ARHGAP24: variants seen among roughly 807,000 people sequenced by gnomAD.
ARHGAP24 encodes Rho GTPase activating protein 24.
In ARHGAP24, 50 loss-of-function variants were observed where a neutral mutation model predicts 76.4. That is an observed-to-expected ratio of 0.65 (90% CI 0.52 to 0.83). The LOEUF is 0.83. Ranked by LOEUF, ARHGAP24 falls within the 40% of genes least tolerant of loss-of-function variation. The pLI, the probability that ARHGAP24 is intolerant of heterozygous loss-of-function variation, is 0.00. For missense variants in ARHGAP24, 930 were observed against 914.2 expected (o/e 1.02, Z -0.22); for synonymous variants, 345 against 323.3 (o/e 1.07, Z -0.72).
chr4:85,781,983 G>A (rs1727577515), intron 3 of ARHGAP24, among the ~76,000 whole-genome samples: 1 of 142,222 alleles, frequency 7.0e-6, no homozygotes, highest in African/African-American at 2.6e-5. Flanking sequence ...GTTTCAGTGA[G>A]CCGAGATCAC....
At chr4:85,973,321 A>G (rs185377351) in intron 6 of ARHGAP24, among the ~76,000 whole-genome samples, 2 of 152,270 alleles carry the variant, frequency 1.3e-5, no homozygotes, top group Admixed American at 1.3e-4. Context: ...GGATATTAGT[A>G]TATTGCCTTT....
chr4:85,850,742 C>T (rs1731175293), intron 3 of ARHGAP24, among the ~76,000 whole-genome samples: 1 of 152,126 alleles, frequency 6.6e-6, no homozygotes, highest in Non-Finnish European at 1.5e-5. Flanking sequence ...GTTCAGTTTC[C>T]ATATAGTTGC....
At chr4:85,885,905 T>C (rs539856398) in intron 3 of ARHGAP24, among the ~76,000 whole-genome samples, 1 of 152,286 alleles carries the variant, frequency 6.6e-6, no homozygotes, top group African/African-American at 2.4e-5. Context: ...GGATTAGTTA[T>C]GCACTTCCTA....
intron 1 of ARHGAP24, among the ~76,000 whole-genome samples, chr4:85,492,129 C>T (rs532650780): frequency 4.7e-5 from 7 of 149,980 alleles, no homozygotes; most frequent in African/African-American, 1.8e-4. Context: ...TGTTCTTTGC[C>T]TTTTCTCTTT....
chr4:85,640,915 A>G (rs1348560175), intron 2 of ARHGAP24, among the ~76,000 whole-genome samples: 1 of 152,170 alleles, frequency 6.6e-6, no homozygotes, highest in East Asian at 1.9e-4. Context: ...TTTGGATACA[A>G]GATAAATCAG....
At chr4:85,570,820 C>G in intron 2 of ARHGAP24, 99 bp downstream of exon 2, 2 of 1,311,240 alleles carry the variant, frequency 1.5e-6, no homozygotes, top group Non-Finnish European at 2.2e-6. Context: ...CCAAAGCTCC[C>G]TGGTCTCCTT....
chr4:85,981,516 C>T (rs1036698660), intron 8 of ARHGAP24, among the ~76,000 whole-genome samples: 1 of 152,208 alleles, frequency 6.6e-6, no homozygotes, highest in Non-Finnish European at 1.5e-5. Context: ...TGTCACAACT[C>T]CATGTGTGTG....
chr4:85,900,555 G>A lies in ARHGAP24; in HGVS notation c.269-23093G>A, dbSNP rs1468452806. On this transcript the variant is annotated intron_variant, in intron 3 of 9. Coordinates refer to ENST00000395184, the MANE Select transcript of ARHGAP24 (RefSeq NM_001025616.3). ...AACCTCTGCCTCAGCCTCCTGAGTAGCTGGGATTACAGGCACGTGCCACCA... is the reference window on the plus strand; with the variant it reads ...AACCTCTGCCTCAGCCTCCTGAGTAACTGGGATTACAGGCACGTGCCACCA... Among the ~76,000 whole-genome samples, 6 of 151,998 alleles carry A rather than the reference G, an allele frequency of 3.9e-5. No individual in the cohort carries two copies. The East Asian group carries it at 1.2e-3, about 29-fold the overall frequency.
At chr4:85,924,312 C>T (rs2148812417) in intron 4 of ARHGAP24, among the ~76,000 whole-genome samples, 1 of 151,204 alleles carries the variant, frequency 6.6e-6, no homozygotes, top group South Asian at 2.1e-4. Flanking sequence ...TGCACCATGT[C>T]AAGAACGAGC....
At chr4:85,628,224 C>A (rs1244074337) in intron 2 of ARHGAP24, among the ~76,000 whole-genome samples, 2 of 152,068 alleles carry the variant, frequency 1.3e-5, no homozygotes, top group Non-Finnish European at 2.9e-5. Context: ...GGCTCCTCCC[C>A]CTTAATTTCT....
chr4:85,805,109 C>G (rs1345383788), intron 3 of ARHGAP24, among the ~76,000 whole-genome samples: 1 of 152,114 alleles, frequency 6.6e-6, no homozygotes, highest in African/African-American at 2.4e-5. Flanking sequence ...ATTAGGGAGC[C>G]TGTGGTGAGA....
chr4:85,687,972 C>T (rs1001413973), intron 2 of ARHGAP24, among the ~76,000 whole-genome samples: 1 of 152,022 alleles, frequency 6.6e-6, no homozygotes, highest in Admixed American at 6.6e-5. Context: ...CCACCATGCT[C>T]GGCTAATTTT....
intron 1 of ARHGAP24, among the ~76,000 whole-genome samples, chr4:85,564,411 G>GAGA (rs539138469): frequency 9.5e-5 from 14 of 148,128 alleles, no homozygotes; most frequent in South Asian, 2.1e-4. Context: ...GGGGAGCGGG[G>GAGA]GGGATAGCAT....
intron 1 of ARHGAP24, among the ~76,000 whole-genome samples, chr4:85,496,462 G>A (rs1030023309): frequency 1.3e-5 from 2 of 152,248 alleles, no homozygotes; most frequent in Non-Finnish European, 2.9e-5. Flanking sequence ...ATAACCAACA[G>A]CAAACAACTC....
At chr4:85,815,060 C>T (rs992109076) in intron 3 of ARHGAP24, among the ~76,000 whole-genome samples, 1 of 152,162 alleles carries the variant, frequency 6.6e-6, no homozygotes, top group African/African-American at 2.4e-5. Flanking sequence ...TACATTGGCA[C>T]CTTTCAGTCA....
At chr4:85,822,555 C>T (rs12643379) in intron 3 of ARHGAP24, among the ~76,000 whole-genome samples, 28,930 of 152,144 alleles carry the variant, frequency 0.19, 3,561 homozygotes, top group Non-Finnish European at 0.27. Context: ...GCACCCTGCT[C>T]ACCTCCAAAC....
chr4:85,539,076 T>C (rs1323941754), intron 1 of ARHGAP24, among the ~76,000 whole-genome samples: 1 of 152,214 alleles, frequency 6.6e-6, no homozygotes, highest in Non-Finnish European at 1.5e-5. Context: ...GAGGTTTTTT[T>C]ACACAATGAG....
intron 5 of ARHGAP24, among the ~76,000 whole-genome samples, chr4:85,966,608 G>C (rs1438500290): frequency 1.3e-5 from 2 of 152,172 alleles, no homozygotes; most frequent in Admixed American, 1.3e-4. Flanking sequence ...GAGCTGCTTA[G>C]TGTCTTTGGA....
chr4:85,489,975 T>G (rs749076025), intron 1 of ARHGAP24, among the ~76,000 whole-genome samples: 1 of 152,210 alleles, frequency 6.6e-6, no homozygotes, highest in African/African-American at 2.4e-5. Context: ...AAAATTATAT[T>G]GAACTATTTG....
Sources: allele counts gnomAD v4.1 joint callset (sites outside exome capture counted in the v4.1 genomes callset), GRCh38; gene constraint gnomAD v4.1.1; transcripts MANE v1.5; gene names NCBI Gene and HGNC (gene_info 2026-07-23, HGNC 2026-07-21).